FBXO8: variants seen among roughly 807,000 people sequenced by gnomAD.
FBXO8 encodes the protein F-box only protein 8.
In FBXO8, 15 loss-of-function variants were observed where a neutral mutation model predicts 33.4. The ratio of observed to expected loss-of-function variants is 0.45; its 90% confidence interval spans 0.30 to 0.69. The LOEUF (loss-of-function observed/expected upper bound fraction) is 0.69. Among genes scored for constraint, FBXO8 ranks in the 30% least tolerant of loss-of-function variants. The probability of loss-of-function intolerance (pLI) is 0.08; values close to 1 mark genes in which losing one functional copy is unlikely to be tolerated. For missense variants in FBXO8, 274 were observed against 380.3 expected, an observed-to-expected ratio of 0.72 and a Z score of 2.32; for synonymous variants, 132 against 131.5, an observed-to-expected ratio of 1.00 and a Z score of -0.02.
intron 1 of FBXO8, among the ~76,000 whole-genome samples, chr4:174,269,678 C>CA (rs34352151): frequency 0.31 from 36,623 of 116,598 alleles, 5,077 homozygotes; most frequent in East Asian, 0.63. Context: ...AGACTCGTCT[C>CA]AAAAAAAAAA....
chr4:174,249,864 A>G (rs919707659), intron 3 of FBXO8, among the ~76,000 whole-genome samples: 1 of 152,002 alleles, frequency 6.6e-6, no homozygotes, highest in Non-Finnish European at 1.5e-5. Context: ...ATACAATTAA[A>G]GACAAAGGGT....
In FBXO8 at chr4:174,267,507, A is replaced by C. The variant is rs1328369591; in HGVS notation, c.-8-4407T>G. ...GGTTATAGTGAGCTATGATCACACCACTGCACTCCAGCCTGAGTGACAGAG... is the reference window on the plus strand; with the variant it reads ...GGTTATAGTGAGCTATGATCACACCCCTGCACTCCAGCCTGAGTGACAGAG... On this transcript the variant is annotated intron_variant, in intron 1 of 5. Coordinates refer to ENST00000393674, the MANE Select transcript of FBXO8 (RefSeq NM_012180.3). The surrounding 1 kb of genome is among the most constrained non-coding windows in gnomAD (Gnocchi z 4.7). 1.3e-5 allele frequency among the ~76,000 whole-genome samples: 2 copies of C among 152,178 alleles called. No individual in the cohort carries two copies. The highest frequency in any genetic ancestry group is 4.8e-5 in the African/African-American group (2 of 41,446).
Position 174,270,766 on chromosome 4 carries a change from C to A in FBXO8, c.-8-7666G>T, listed in dbSNP as rs912280591. Among the ~76,000 whole-genome samples the A allele has an allele frequency of 6.6e-6, 1 of 152,078 alleles. No individual in the cohort carries two copies. The highest frequency in any genetic ancestry group is 2.1e-4 in the South Asian group (1 of 4,816). On this transcript the variant is annotated intron_variant, in intron 1 of 5. Transcript: ENST00000393674. The surrounding 1 kb of genome is among the most constrained non-coding windows in gnomAD (Gnocchi z 4.6). ...CGAGTGCTGGGATTACAGGCACCTG[C>A]CACCACGCCTGGCTAATTTTTGTAT...
At chr4:174,242,856 G>C (rs1402976790) in intron 3 of FBXO8, among the ~76,000 whole-genome samples, 20 of 151,278 alleles carry the variant, frequency 1.3e-4, no homozygotes, top group Non-Finnish European at 3.0e-4. Flanking sequence ...CAGTGTAAAA[G>C]GATAACAATA....
In FBXO8 at chr4:174,251,899, A is replaced by G. The variant is rs148377071; in HGVS notation, c.456+7800T>C. 8.5e-3 allele frequency among the ~76,000 whole-genome samples: 1,288 copies of G among 152,296 alleles called. 5 individuals are homozygous for G. Among genetic ancestry groups the G allele is most frequent in the Non-Finnish European group, 0.014 (923 of 68,016 alleles). ...TTGGTGAGGGACTCCTCTCACTGTC[A>G]TCTAGCTTCTTTTGCCCTGATTAAA... is the stretch of plus-strand genomic sequence containing the variant. On this transcript the variant is annotated intron_variant, in intron 3 of 5. Coordinates refer to ENST00000393674, the MANE Select transcript of FBXO8 (RefSeq NM_012180.3). The surrounding 1 kb of genome is among the most constrained non-coding windows in gnomAD (Gnocchi z 4.2).
In FBXO8 at chr4:174,282,753, A is replaced by C. The variant is rs145939101; in HGVS notation, c.-9+657T>G. On this transcript the variant is annotated intron_variant, in intron 1 of 5. Coordinates refer to ENST00000393674, the MANE Select transcript of FBXO8 (RefSeq NM_012180.3). The stretch of plus-strand genomic sequence containing the variant: ...AAAATGAATATTTTACTTGTAAAAC[A>C]AGTAGAATCAATTATTTTATTAGTA... 8.5e-3 allele frequency among the ~76,000 whole-genome samples: 1,289 copies of C among 152,314 alleles called. 20 individuals are homozygous for C. The highest frequency in any genetic ancestry group is 0.03 in the African/African-American group (1,239 of 41,560).
intron 3 of FBXO8, among the ~76,000 whole-genome samples, chr4:174,250,330 T>C (rs1736257894): frequency 6.6e-6 from 1 of 152,040 alleles, no homozygotes; most frequent in South Asian, 2.1e-4. Flanking sequence ...CCAAGGATTA[T>C]ATAATTCAAC....
At chr4:174,248,328 C>G (rs1736205181) in intron 3 of FBXO8, among the ~76,000 whole-genome samples, 1 of 151,854 alleles carries the variant, frequency 6.6e-6, no homozygotes, top group South Asian at 2.1e-4. Context: ...AAAATCTATG[C>G]CCAGATTTTA....
At position 174,251,614 on chromosome 4, in the gene FBXO8, C is replaced by G. The variant is rs747131436; in HGVS notation, c.456+8085G>C. 6.6e-6 allele frequency among the ~76,000 whole-genome samples: 1 copy of G among 152,168 alleles called. No homozygotes were observed. The highest frequency in any genetic ancestry group is 2.4e-5 in the African/African-American group (1 of 41,452). On this transcript the variant is annotated intron_variant, in intron 3 of 5. Coordinates refer to ENST00000393674, the MANE Select transcript of FBXO8 (RefSeq NM_012180.3). The surrounding 1 kb of genome is among the most constrained non-coding windows in gnomAD (Gnocchi z 4.2). ...AGATGGATACATACACACATACACA[C>G]ATGCATATCCACACATACCATATTA...
intron 1 of FBXO8, among the ~76,000 whole-genome samples, chr4:174,268,160 G>A (rs1046815654): frequency 6.6e-6 from 1 of 152,164 alleles, no homozygotes; most frequent in African/African-American, 2.4e-5. Flanking sequence ...CTGAACCATT[G>A]TTCCTAGGGA....
chr4:174,277,914 C>T lies in FBXO8; in HGVS notation c.-9+5496G>A, dbSNP rs1228160816. Among the ~76,000 whole-genome samples the T allele has an allele frequency of 6.6e-6, 1 of 151,952 alleles. No individual in the cohort carries two copies. Among genetic ancestry groups the T allele is most frequent in the Non-Finnish European group, 1.5e-5 (1 of 67,918 alleles). On this transcript the variant is annotated intron_variant, in intron 1 of 5. Transcript: ENST00000393674. The surrounding 1 kb of genome is among the most constrained non-coding windows in gnomAD (Gnocchi z 4.9). The stretch of plus-strand genomic sequence containing the variant: ...TTTGGTTACTTCAGGTTTTAAAAAT[C>T]TTTAAGGGATATCATGTGATATTAT...
In FBXO8 at chr4:174,259,511, A is replaced by T. The variant is rs1371124052; in HGVS notation, c.456+188T>A. 6.6e-6 allele frequency among the ~76,000 whole-genome samples: 1 copy of T among 152,082 alleles called. No individual in the cohort carries two copies. Among genetic ancestry groups the T allele is most frequent in the Non-Finnish European group, 1.5e-5 (1 of 67,946 alleles). On this transcript the variant is annotated intron_variant, in intron 3 of 5. Coordinates refer to ENST00000393674, the MANE Select transcript of FBXO8 (RefSeq NM_012180.3). The surrounding 1 kb of genome is among the most constrained non-coding windows in gnomAD (Gnocchi z 4.3). ...AAAGTGAACAGGTAGAAAGGTTAGA[A>T]CGTGACATGGTAAGGCGAAGAAAAA...
At chr4:174,268,682 C>T (rs1259278288) in intron 1 of FBXO8, among the ~76,000 whole-genome samples, 1 of 152,176 alleles carries the variant, frequency 6.6e-6, no homozygotes, top group Admixed American at 6.5e-5. Context: ...GTGATCCGCC[C>T]GCCTTGGCCT....
chr4:174,260,628 AAC>A (rs1381016260), intron 2 of FBXO8, among the ~76,000 whole-genome samples: 1 of 151,978 alleles, frequency 6.6e-6, no homozygotes, highest in Non-Finnish European at 1.5e-5. Flanking sequence ...CATATCTCAA[AAC>A]ACACTGCAGA....
intron 5 of FBXO8, among the ~76,000 whole-genome samples, chr4:174,238,269 T>A (rs1227224264): frequency 6.6e-6 from 1 of 151,986 alleles, no homozygotes; most frequent in Non-Finnish European, 1.5e-5. Flanking sequence ...TAATATTTGA[T>A]GTTTAATATT....
intron 1 of FBXO8, among the ~76,000 whole-genome samples, chr4:174,276,147 A>C (rs1252211400): frequency 6.6e-6 from 1 of 152,210 alleles, no homozygotes; most frequent in Non-Finnish European, 1.5e-5. Flanking sequence ...AATCTCCTAT[A>C]TTCTTATATG....
chr4:174,241,629 CT>C lies in FBXO8; in HGVS notation c.457-412del, dbSNP rs1468381759. 1.3e-5 allele frequency among the ~76,000 whole-genome samples: 2 copies of C among 150,748 alleles called. No homozygotes were observed. Among genetic ancestry groups the C allele is most frequent in the Admixed American group, 6.6e-5 (1 of 15,102 alleles). On this transcript the variant is annotated intron_variant, in intron 3 of 5. Transcript: ENST00000393674. The surrounding 1 kb of genome is among the most constrained non-coding windows in gnomAD (Gnocchi z 4.2). Reference sequence around the variant, plus strand: ...AGCTCACATATATATTGCAGTATGCCTTTCAAGGAAAGAGCTTCTTGATAAA... The same window carrying C: ...AGCTCACATATATATTGCAGTATGCCTTCAAGGAAAGAGCTTCTTGATAAA...
In FBXO8 at chr4:174,256,859, T is replaced by C. The variant is rs1368531939; in HGVS notation, c.456+2840A>G. 6.6e-6 allele frequency among the ~76,000 whole-genome samples: 1 copy of C among 151,730 alleles called. No homozygotes were observed. Among genetic ancestry groups the C allele is most frequent in the East Asian group, 1.9e-4 (1 of 5,164 alleles). ...GGAGTACTACATGGCCCTTTTAGAA[T>C]GATAAATTCAGTGCCTCTGGAATGT... is the stretch of plus-strand genomic sequence containing the variant. On this transcript the variant is annotated intron_variant, in intron 3 of 5. Coordinates refer to ENST00000393674, the MANE Select transcript of FBXO8 (RefSeq NM_012180.3). The surrounding 1 kb of genome is among the most constrained non-coding windows in gnomAD (Gnocchi z 4.6).
rs573751274 is a variant in FBXO8 at position 174,263,445 on chromosome 4, A to G, written c.-8-345T>C. ...TTATAATTATGTGGACTTATGGGCCAGTATTAAATACAGCTCTGATCAGAG... is the reference window on the plus strand; with the variant it reads ...TTATAATTATGTGGACTTATGGGCCGGTATTAAATACAGCTCTGATCAGAG... On this transcript the variant is annotated intron_variant, in intron 1 of 5. Transcript: ENST00000393674. The surrounding 1 kb of genome is among the most constrained non-coding windows in gnomAD (Gnocchi z 4.2). Among the ~76,000 whole-genome samples, 125 of 152,310 alleles carry G rather than the reference A, an allele frequency of 8.2e-4. 1 individual carries two copies. Among genetic ancestry groups the G allele is most frequent in the African/African-American group, 2.9e-3 (119 of 41,574 alleles).
Sources: gnomAD v4.1 joint callset for allele counts (sites outside exome capture counted in the v4.1 genomes callset) on GRCh38, gnomAD v4.1.1 for gene constraint, Gnocchi (gnomAD v3.1) non-coding constraint, MANE v1.5 for transcripts, NCBI Gene and HGNC (gene_info 2026-07-23, HGNC 2026-07-21) for gene names.